DNAH9: variants seen among roughly 807,000 people sequenced by gnomAD.
DNAH9 encodes dynein axonemal heavy chain 9, also known as DNAH9 variant protein.
A neutral mutation model predicts 471.6 loss-of-function variants in DNAH9; 345 were observed. That is an observed-to-expected ratio of 0.73 (90% confidence interval 0.67 to 0.80). The LOEUF is 0.80. Ranked by LOEUF, DNAH9 falls within the 30% of genes least tolerant of loss-of-function variation. The pLI is 0.00. For synonymous variants in DNAH9, 2,093 were observed against 2,123.6 expected (o/e 0.99, Z 0.40); for missense variants, 5,407 against 5,609.2 (o/e 0.96, Z 1.15).
intron 48 of DNAH9, among the ~76,000 whole-genome samples, chr17:11,828,727 C>G (rs989960006): frequency 2.0e-5 from 3 of 152,118 alleles, no homozygotes; most frequent in African/African-American, 7.2e-5. Context: ...TTACATGTAC[C>G]CCCACCTTGT....
Position 11,880,215 on chromosome 17 carries a change from T to C in DNAH9, c.10601+15T>C, listed in dbSNP as rs778226292. 1.2e-6 allele frequency: 2 copies of C among 1,612,142 alleles called. No individual in the cohort carries two copies. The highest frequency in any genetic ancestry group is 8.5e-7 in the Non-Finnish European group (1 of 1,179,224). ...AAAAAAGGACGGTAAGACTCAGCTGTGTTGCTGACCCTTCGGGGGGAGCTG... is the reference window on the plus strand; with the variant it reads ...AAAAAAGGACGGTAAGACTCAGCTGCGTTGCTGACCCTTCGGGGGGAGCTG... On this transcript the variant is annotated intron_variant, in intron 54 of 68. Coordinates refer to ENST00000262442, the MANE Select transcript of DNAH9 (RefSeq NM_001372.4).
chr17:11,935,623 C>A (rs1476780367), intron 65 of DNAH9, among the ~76,000 whole-genome samples: 1 of 152,032 alleles, frequency 6.6e-6, no homozygotes, highest in Non-Finnish European at 1.5e-5. Flanking sequence ...ATCCTCCCAC[C>A]TCAGCCTCCC....
chr17:11,904,315 A>T (rs1166806869), intron 60 of DNAH9, among the ~76,000 whole-genome samples: 1 of 152,106 alleles, frequency 6.6e-6, no homozygotes, highest in Admixed American at 6.5e-5. Flanking sequence ...GCCAGGGGAA[A>T]TGAGCCTCTG....
At chr17:11,804,420 G>T (rs1969583751) in intron 43 of DNAH9, among the ~76,000 whole-genome samples, 1 of 152,096 alleles carries the variant, frequency 6.6e-6, no homozygotes, top group Non-Finnish European at 1.5e-5. Flanking sequence ...ACATAAAAGG[G>T]TTTCACAAAT....
chr17:11,833,331 G>A (rs1040499281), intron 48 of DNAH9, among the ~76,000 whole-genome samples: 2 of 152,338 alleles, frequency 1.3e-5, no homozygotes, highest in Middle Eastern at 3.4e-3. Flanking sequence ...AATAAATGGA[G>A]ACCAATCACA....
intron 27 of DNAH9, 71 bp downstream of exon 27, chr17:11,719,561 G>A (rs2150802022): frequency 6.8e-7 from 1 of 1,460,212 alleles, no homozygotes; most frequent in Non-Finnish European, 9.3e-7. Flanking sequence ...TCAAGGCTAA[G>A]ACGCATCCGT....
intron 55 of DNAH9, 67 bp downstream of exon 55, chr17:11,881,480 T>G (rs942455416): frequency 6.7e-7 from 1 of 1,497,060 alleles, no homozygotes; most frequent in African/African-American, 1.4e-5. Context: ...TGGGAGAGGT[T>G]GCAGAGGGGG....
chr17:11,669,902 G>A (rs2041016836), intron 17 of DNAH9, 108 bp downstream of exon 17: 1 of 947,452 alleles, frequency 1.1e-6, no homozygotes, highest in Non-Finnish European at 1.6e-6. Context: ...TTAAATTAAA[G>A]ATTAAGACAG....
intron 10 of DNAH9, among the ~76,000 whole-genome samples, chr17:11,642,500 C>T (rs1254337570): frequency 6.6e-6 from 1 of 151,898 alleles, no homozygotes; most frequent in South Asian, 2.1e-4. Context: ...TGCAGTGAGC[C>T]GAGATTGCGC....
intron 35 of DNAH9, among the ~76,000 whole-genome samples, chr17:11,760,185 T>C (rs565910209): frequency 6.6e-6 from 1 of 152,344 alleles, no homozygotes; most frequent in East Asian, 1.9e-4. Flanking sequence ...GACTTCGCTA[T>C]TGTGAATAGT....
chr17:11,896,949 G>A (rs1270469492), intron 59 of DNAH9, among the ~76,000 whole-genome samples: 2 of 152,182 alleles, frequency 1.3e-5, no homozygotes, highest in Admixed American at 6.5e-5. Context: ...AATTAGCCGG[G>A]TGTGGTGGCA....
At chr17:11,893,884 A>G (rs191109583) in intron 58 of DNAH9, among the ~76,000 whole-genome samples, 32 of 152,338 alleles carry the variant, frequency 2.1e-4, no homozygotes, top group African/African-American at 6.5e-4. Flanking sequence ...AAAAGAAAAG[A>G]AAATAAACTA....
intron 61 of DNAH9, among the ~76,000 whole-genome samples, chr17:11,916,617 C>T (rs1973967149): frequency 6.6e-6 from 1 of 152,202 alleles, no homozygotes; most frequent in Non-Finnish European, 1.5e-5. Flanking sequence ...AGTAAACTTA[C>T]TGTTTTATTG....
chr17:11,918,103 T>A (rs564162426), intron 61 of DNAH9, among the ~76,000 whole-genome samples: 65 of 152,352 alleles, frequency 4.3e-4, no homozygotes, highest in Non-Finnish European at 3.2e-4. Flanking sequence ...AGAAACAGTT[T>A]TCCATTCAGT....
rs16945138 is a variant in DNAH9 at position 11,652,931 on chromosome 17, C to A, written c.2524C>A (p.Arg842=). The change falls in exon 14 of 69, where the codon CGG becomes AGG. Residue 842 remains arginine, a synonymous_variant. Coordinates refer to ENST00000262442, the MANE Select transcript of DNAH9 (RefSeq NM_001372.4). ...KRESLLSLDD[R]HDRMEKYYNL... ...GGAATCCCTTCTTTCTCTGGATGAT[C>A]GGCATGATCGAATGGAAAAATATTA... The A allele has an allele frequency of 3.1e-6, 5 of 1,613,670 alleles. No individual in the cohort carries two copies. The highest frequency in any genetic ancestry group is 1.1e-5 in the South Asian group (1 of 91,050).
chr17:11,943,023 G>A (rs1974990558), intron 67 of DNAH9, among the ~76,000 whole-genome samples: 1 of 151,194 alleles, frequency 6.6e-6, no homozygotes, highest in African/African-American at 2.4e-5. Context: ...AGCCTCCCGA[G>A]TAGCTGGGAC....
intron 32 of DNAH9, among the ~76,000 whole-genome samples, chr17:11,748,876 G>A (rs906470079): frequency 2.6e-5 from 4 of 152,152 alleles, no homozygotes; most frequent in African/African-American, 9.6e-5. Flanking sequence ...GACCACATCC[G>A]GGTCAAACTC....
Position 11,759,189 on chromosome 17 carries a change from G to GT in DNAH9, c.6995+1498dup, listed in dbSNP as rs113670762. 5.1e-3 allele frequency among the ~76,000 whole-genome samples: 770 copies of GT among 151,380 alleles called. 4 individuals carry two copies. Among genetic ancestry groups the GT allele is most frequent in the African/African-American group, 0.018 (752 of 41,248 alleles). On this transcript the variant is annotated intron_variant, in intron 35 of 68. Coordinates refer to ENST00000262442, the MANE Select transcript of DNAH9 (RefSeq NM_001372.4). ...TTGTGTTACAGGGATATATGGCATAGTGGTGAAGTCTGGCCCTTTAGTGTA... is the reference window on the plus strand; with the variant it reads ...TTGTGTTACAGGGATATATGGCATAGTTGGTGAAGTCTGGCCCTTTAGTGTA...
At chr17:11,627,789 A>T (rs1451121623) in intron 6 of DNAH9, among the ~76,000 whole-genome samples, 1 of 152,116 alleles carries the variant, frequency 6.6e-6, no homozygotes, top group Non-Finnish European at 1.5e-5. Flanking sequence ...GAGCAAAAAC[A>T]GGCTTGTTAG....
Sources: allele counts gnomAD v4.1 joint callset (sites outside exome capture counted in the v4.1 genomes callset), GRCh38; gene constraint gnomAD v4.1.1; transcripts MANE v1.5; gene names NCBI Gene and HGNC (gene_info 2026-07-23, HGNC 2026-07-21).